The following GLCE variants were observed in gnomAD, a reference collection of about 807,000 sequenced individuals.
The protein encoded by GLCE is glucuronic acid epimerase, also known as D-glucuronyl C5-epimerase.
Under a neutral mutation model 47.9 loss-of-function variants are expected in GLCE, and 19 were observed. The ratio of observed to expected loss-of-function variants is 0.40; its 90% CI spans 0.28 to 0.58. GLCE has a LOEUF of 0.58. Ranked by LOEUF, GLCE falls within the 20% of genes least tolerant of loss-of-function variation. The pLI is 0.48. For synonymous variants in GLCE, 245 were observed against 263.4 expected (o/e 0.93, Z 0.68); for missense variants, 556 against 743.3 (o/e 0.75, Z 2.93).
At chr15:69,251,698 C>T (rs2052847008) in intron 2 of GLCE, among the ~76,000 whole-genome samples, 1 of 152,060 alleles carries the variant, frequency 6.6e-6, no homozygotes, top group Admixed American at 6.5e-5. Context: ...AAGTTTTTTG[C>T]TGGCTTTCTC....
chr15:69,253,864 T>C (rs1182085385), intron 2 of GLCE, among the ~76,000 whole-genome samples: 1 of 152,164 alleles, frequency 6.6e-6, no homozygotes, highest in African/African-American at 2.4e-5. Context: ...TTTAAGACAG[T>C]AAAGTATTGC....
In GLCE at chr15:69,268,484, C is replaced by T; in HGVS notation, c.1094C>T (p.Ser365Leu). ...VTDLRKGVGLSNTKAVKPTKI... is the reference protein window; with the variant it reads ...VTDLRKGVGLLNTKAVKPTKI... ...GACCTCAGGAAAGGAGTGGGTCTTT[C>T]AAACACAAAAGCTGTCAAGCCAACC... The change falls in exon 5 of 5, where the codon TCA (serine) becomes TTA (leucine). Residue 365 changes from serine (S) to leucine (L), a missense_variant. Ser to Leu is a moderately radical substitution (Grantham distance 145). Transcript: ENST00000261858. The T allele has an allele frequency of 6.2e-7, 1 of 1,614,164 alleles. No individual in the cohort carries two copies. The highest frequency in any genetic ancestry group is 1.3e-5 in the African/African-American group (1 of 75,068).
chr15:69,262,698 A>G (rs1490015337), intron 4 of GLCE, among the ~76,000 whole-genome samples: 2 of 152,210 alleles, frequency 1.3e-5, no homozygotes, highest in Non-Finnish European at 2.9e-5. Flanking sequence ...TTCTGTAGCC[A>G]GTAGCTGGAG....
intron 1 of GLCE, among the ~76,000 whole-genome samples, chr15:69,198,638 C>T (rs1484597905): frequency 1.3e-5 from 2 of 152,156 alleles, no homozygotes; most frequent in Non-Finnish European, 2.9e-5. Context: ...AAAGTGCCAG[C>T]AAAAGAGAGT....
intron 2 of GLCE, among the ~76,000 whole-genome samples, chr15:69,236,300 C>A (rs1595773390): frequency 1.3e-5 from 2 of 152,084 alleles, no homozygotes; most frequent in South Asian, 4.1e-4. Context: ...AGTCATATGG[C>A]CTTCTAACGA....
chr15:69,260,126 T>C (rs2052990433), intron 3 of GLCE, among the ~76,000 whole-genome samples: 1 of 152,136 alleles, frequency 6.6e-6, no homozygotes, highest in South Asian at 2.1e-4. Context: ...TTCAAGAATC[T>C]ATGGTAAAAT....
At chr15:69,245,282 G>A (rs1251465773) in intron 2 of GLCE, among the ~76,000 whole-genome samples, 2 of 141,160 alleles carry the variant, frequency 1.4e-5, no homozygotes, top group African/African-American at 5.3e-5. Context: ...TCAGTGAGCC[G>A]AGATCACATC....
intron 3 of GLCE, among the ~76,000 whole-genome samples, chr15:69,258,113 C>G (rs1468151620): frequency 1.3e-5 from 2 of 151,764 alleles, no homozygotes; most frequent in African/African-American, 4.8e-5. Flanking sequence ...AAGCCTAGGA[C>G]CCATCAGTTA....
At chr15:69,172,188 T>A (rs1184942525) in intron 1 of GLCE, among the ~76,000 whole-genome samples, 2 of 152,210 alleles carry the variant, frequency 1.3e-5, no homozygotes, top group African/African-American at 2.4e-5. Flanking sequence ...TTTTGGCTGC[T>A]GAAGTATGTA....
chr15:69,253,266 A>G (rs1355630616), intron 2 of GLCE, among the ~76,000 whole-genome samples: 2 of 152,230 alleles, frequency 1.3e-5, no homozygotes, highest in African/African-American at 4.8e-5. Flanking sequence ...GTGTTCGTGT[A>G]ACAAAAGAGA....
At chr15:69,258,134 C>A (rs1166303794) in intron 3 of GLCE, among the ~76,000 whole-genome samples, 1 of 151,950 alleles carries the variant, frequency 6.6e-6, no homozygotes, top group Non-Finnish European at 1.5e-5. Context: ...TTTTTCTGAT[C>A]CTCGCCCGCC....
At chr15:69,257,532 A>G (rs2052944155) in intron 3 of GLCE, among the ~76,000 whole-genome samples, 1 of 152,026 alleles carries the variant, frequency 6.6e-6, no homozygotes, top group Non-Finnish European at 1.5e-5. Flanking sequence ...TTTTGTAAAA[A>G]CAGTGTCTCA....
intron 2 of GLCE, among the ~76,000 whole-genome samples, chr15:69,231,793 T>C (rs2052526683): frequency 6.6e-6 from 1 of 152,104 alleles, no homozygotes; most frequent in Non-Finnish European, 1.5e-5. Context: ...TTTTTTGTTT[T>C]GTTTTGTTTT....
chr15:69,232,381 G>A (rs984461305), intron 2 of GLCE, among the ~76,000 whole-genome samples: 13 of 152,018 alleles, frequency 8.6e-5, no homozygotes, highest in Non-Finnish European at 1.3e-4. Context: ...GTTATATTAC[G>A]AAATGTCTTC....
chr15:69,203,613 G>A (rs1018472088), intron 1 of GLCE, among the ~76,000 whole-genome samples: 5 of 152,052 alleles, frequency 3.3e-5, no homozygotes, highest in Admixed American at 6.6e-5. Flanking sequence ...ATGGTACCAG[G>A]TAATGTCATC....
intron 2 of GLCE, among the ~76,000 whole-genome samples, chr15:69,253,754 C>T (rs1183746096): frequency 6.6e-6 from 1 of 152,190 alleles, no homozygotes; most frequent in Non-Finnish European, 1.5e-5. Context: ...CATCTCAAAA[C>T]TGCAGAATTC....
At position 69,202,880 on chromosome 15, in the gene GLCE, G is replaced by C. The variant is rs375929555; in HGVS notation, c.-104-7436G>C. On this transcript the variant is annotated intron_variant, in intron 1 of 4. Transcript: ENST00000261858. ...TTATTTATGGATAATTTCTTATTCTGACCTTTAATGTTTCTAAACAAATAG... is the reference window on the plus strand; with the variant it reads ...TTATTTATGGATAATTTCTTATTCTCACCTTTAATGTTTCTAAACAAATAG... Among the ~76,000 whole-genome samples the C allele has an allele frequency of 7.9e-5, 12 of 152,052 alleles. No individual in the cohort carries two copies. In the East Asian group the frequency reaches 1.4e-3, roughly 17 times the overall value.
At chr15:69,194,590 G>A (rs572101582) in intron 1 of GLCE, 17 of 152,190 alleles carry the variant, frequency 1.1e-4, no homozygotes, top group African/African-American at 4.1e-4. Flanking sequence ...TAGTGATGTA[G>A]GTATGGGTTC....
At chr15:69,224,552 G>T (rs1317506309) in intron 2 of GLCE, among the ~76,000 whole-genome samples, 1 of 152,184 alleles carries the variant, frequency 6.6e-6, no homozygotes, top group Non-Finnish European at 1.5e-5. Flanking sequence ...AACAACAATG[G>T]CTGGCAGCCT....
Sources: gnomAD v4.1 joint callset for allele counts (sites outside exome capture counted in the v4.1 genomes callset) on GRCh38, gnomAD v4.1.1 for gene constraint, MANE v1.5 for transcripts, NCBI Gene and HGNC (gene_info 2026-07-23, HGNC 2026-07-21) for gene names.